Variants in MECOM observed in about 807,000 individuals in gnomAD.
MECOM encodes the protein histone-lysine N-methyltransferase MECOM.
MECOM carries 13 observed loss-of-function variants against 116.3 expected under a neutral mutation model. The observed-to-expected ratio is 0.11, with a 90% CI of 0.07 to 0.18. The LOEUF (loss-of-function observed/expected upper bound fraction) is 0.18. Ranked by LOEUF, MECOM falls within the 10% of genes least tolerant of loss-of-function variation. The pLI is 1.00. For missense variants in MECOM, 1,299 were observed against 1,509.0 expected, an observed-to-expected ratio of 0.86 and a Z score of 2.31; for synonymous variants, 528 against 535.2, an observed-to-expected ratio of 0.99 and a Z score of 0.19.
chr3:169,523,710 C>T (rs896343648), intron 1 of MECOM, among the ~76,000 whole-genome samples: 1 of 151,700 alleles, frequency 6.6e-6, no homozygotes, highest in Non-Finnish European at 1.5e-5. Context: ...GCCAAATTAG[C>T]AAATAAAAAT....
At chr3:169,247,301 A>ACTTTTTTTTTT (rs1160675957) in intron 2 of MECOM, among the ~76,000 whole-genome samples, 1 of 146,522 alleles carries the variant, frequency 6.8e-6, no homozygotes, top group Non-Finnish European at 1.5e-5. Flanking sequence ...TCCACCTAAT[A>ACTTTTTTTTTT]CTTTTTTTTT....
intron 2 of MECOM, among the ~76,000 whole-genome samples, chr3:169,272,699 T>A (rs1759101693): frequency 1.3e-5 from 2 of 151,996 alleles, no homozygotes; most frequent in Non-Finnish European, 2.9e-5. Flanking sequence ...AGAAAGCAAA[T>A]CATTTACACA....
At chr3:169,434,560 T>C (rs1038094132) in intron 1 of MECOM, among the ~76,000 whole-genome samples, 1 of 152,152 alleles carries the variant, frequency 6.6e-6, no homozygotes, top group Non-Finnish European at 1.5e-5. Flanking sequence ...AATCATGGAC[T>C]ATCAAAATGA....
intron 2 of MECOM, among the ~76,000 whole-genome samples, chr3:169,310,433 C>T (rs994097730): frequency 1.3e-5 from 2 of 152,170 alleles, no homozygotes; most frequent in African/African-American, 2.4e-5. Flanking sequence ...AGTTTTATAG[C>T]AAATTGTGTC....
intron 1 of MECOM, among the ~76,000 whole-genome samples, chr3:169,397,116 AGC>A (rs936986270): frequency 6.6e-6 from 1 of 152,252 alleles, no homozygotes; most frequent in African/African-American, 2.4e-5. Context: ...GCACTCAGCT[AGC>A]AAAAGATTAT....
At chr3:169,355,789 G>A (rs1220051496) in intron 2 of MECOM, among the ~76,000 whole-genome samples, 2 of 151,542 alleles carry the variant, frequency 1.3e-5, no homozygotes, top group Non-Finnish European at 2.9e-5. Context: ...CTAACTTTTA[G>A]ATATAAATAC....
At chr3:169,176,843 G>T (rs111596271) in intron 2 of MECOM, among the ~76,000 whole-genome samples, 7 of 152,022 alleles carry the variant, frequency 4.6e-5, no homozygotes, top group African/African-American at 1.4e-4. Flanking sequence ...GACATTTATG[G>T]GGCCAACAAA....
intron 2 of MECOM, among the ~76,000 whole-genome samples, chr3:169,256,520 T>C (rs1756886159): frequency 6.6e-6 from 1 of 152,182 alleles, no homozygotes; most frequent in African/African-American, 2.4e-5. Context: ...TTTCTAACAG[T>C]CATTTCAAAG....
Position 169,115,797 on chromosome 3 carries a change from G to A in MECOM, c.2075C>T (p.Pro692Leu), listed in dbSNP as rs1560185888. Reference protein sequence around the residue: ...QDKKVGALPYPSMFPLPFFPA... With the variant: ...QDKKVGALPYLSMFPLPFFPA... ...AAAAAATGGGAGGGGAAACATGGAA[G>A]GGTAAGGTAAAGCTCCAACTTTTTT... Residue 692 changes from proline (P) to leucine (L), a missense_variant, in exon 8 of 17, where the codon CCT (proline) becomes CTT (leucine). Pro to Leu is a moderately conservative substitution (Grantham distance 98, BLOSUM62 -3). This residue lies in a region of MECOM where 340 missense variants were observed against 312.6 expected (regional missense o/e 1.09). Transcript: ENST00000651503. The A allele has an allele frequency of 1.2e-6, 2 of 1,614,126 alleles. No homozygotes were observed. Among genetic ancestry groups the A allele is most frequent in the East Asian group, 2.2e-5 (1 of 44,876 alleles).
At chr3:169,172,888 T>C (rs146532882) in intron 2 of MECOM, among the ~76,000 whole-genome samples, 5 of 152,308 alleles carry the variant, frequency 3.3e-5, no homozygotes, top group Non-Finnish European at 4.4e-5. Flanking sequence ...ATGCTTGTCT[T>C]ATTGGATTCT....
chr3:169,143,414 C>T (rs1274677227), intron 3 of MECOM, among the ~76,000 whole-genome samples: 4 of 151,930 alleles, frequency 2.6e-5, no homozygotes, highest in East Asian at 3.9e-4. Context: ...AAAAACTGAA[C>T]GGTAGGCAGT....
At chr3:169,335,272 T>C (rs1723419411) in intron 2 of MECOM, among the ~76,000 whole-genome samples, 1 of 152,090 alleles carries the variant, frequency 6.6e-6, no homozygotes, top group South Asian at 2.1e-4. Flanking sequence ...AGTAAGAAGT[T>C]TGGAACTATT....
chr3:169,206,202 T>C (rs1749895513), intron 2 of MECOM, among the ~76,000 whole-genome samples: 1 of 152,184 alleles, frequency 6.6e-6, no homozygotes, highest in South Asian at 2.1e-4. Context: ...CTTACACATT[T>C]TCCTCACTGC....
chr3:169,494,971 A>G (rs1160466479), intron 1 of MECOM, among the ~76,000 whole-genome samples: 5 of 152,312 alleles, frequency 3.3e-5, no homozygotes, highest in Non-Finnish European at 4.4e-5. Context: ...ATTCACATCT[A>G]GCTTAAATCT....
chr3:169,653,085 A>G (rs1184209733), intron 1 of MECOM, among the ~76,000 whole-genome samples: 1 of 152,224 alleles, frequency 6.6e-6, no homozygotes, highest in African/African-American at 2.4e-5. Flanking sequence ...AAAATTAGGA[A>G]TAATACTCCA....
At position 169,146,197 on chromosome 3, in the gene MECOM, A is replaced by G; in HGVS notation, c.376-2365T>C. On this transcript the variant is annotated intron_variant, in intron 2 of 16. Coordinates refer to ENST00000651503, the MANE Select transcript of MECOM (RefSeq NM_004991.4). ...AGAAAGGCCCTTTCAAAAAACCAAC[A>G]GCAAAAGGAAAAAAAAAAAAATCCC... 2.8e-6 allele frequency: 3 copies of G among 1,079,800 alleles called. No homozygotes were observed. In the East Asian group the frequency reaches 1.3e-4, roughly 47 times the overall value. The allele number at this position is 1,079,800 out of a possible 1,614,324, so 66.9% of individuals were successfully genotyped here.
chr3:169,657,649 G>T (rs1056253769), intron 1 of MECOM, among the ~76,000 whole-genome samples: 34 of 152,202 alleles, frequency 2.2e-4, no homozygotes. Flanking sequence ...TAAATAGGTA[G>T]AAGCCATTAG....
At chr3:169,215,256 T>TA (rs63247561) in intron 2 of MECOM, among the ~76,000 whole-genome samples, 12 of 147,348 alleles carry the variant, frequency 8.1e-5, no homozygotes, top group South Asian at 2.1e-4. Context: ...TTTTTTTTTT[T>TA]TAAAAAAGCA....
intron 2 of MECOM, among the ~76,000 whole-genome samples, chr3:169,254,975 G>A (rs929500208): frequency 3.9e-5 from 6 of 152,096 alleles, no homozygotes; most frequent in African/African-American, 1.4e-4. Flanking sequence ...CGACCATGGA[G>A]CATGGCCACC....
Sources: allele counts gnomAD v4.1 joint callset (sites outside exome capture counted in the v4.1 genomes callset), GRCh38; gene constraint gnomAD v4.1.1; regional missense constraint gnomAD v4.1.1; transcripts MANE v1.5; gene names NCBI Gene and HGNC (gene_info 2026-07-23, HGNC 2026-07-21).